Variants in FARP1 observed in about 807,000 individuals in gnomAD.
The protein encoded by FARP1 is FERM, ARH/RhoGEF and pleckstrin domain protein 1.
A neutral mutation model predicts 128.8 loss-of-function variants in FARP1; 52 were observed. The observed-to-expected ratio is 0.40, with a 90% CI of 0.32 to 0.51. The LOEUF (loss-of-function observed/expected upper bound fraction) is 0.51. Ranked by LOEUF, FARP1 falls within the 20% of genes least tolerant of loss-of-function variation. FARP1 has a pLI of 0.45. For synonymous variants in FARP1, 580 were observed against 551.8 expected (o/e 1.05, Z -0.72); for missense variants, 1,333 against 1,367.9 (o/e 0.97, Z 0.40).
chr13:98,404,759 GA>G (rs1566296291), intron 13 of FARP1: 1 of 152,070 alleles, frequency 6.6e-6, no homozygotes, highest in Non-Finnish European at 1.5e-5. Flanking sequence ...GAATATTGAA[GA>G]AAAAGCATAG....
chr13:98,411,333 G>A (rs1180821686), intron 15 of FARP1, among the ~76,000 whole-genome samples: 1 of 152,202 alleles, frequency 6.6e-6, no homozygotes, highest in Non-Finnish European at 1.5e-5. Context: ...GAAAGCACAA[G>A]CCAATTGGGA....
intron 2 of FARP1, among the ~76,000 whole-genome samples, chr13:98,248,553 A>C (rs1883178032): frequency 6.6e-6 from 1 of 152,210 alleles, no homozygotes; most frequent in African/African-American, 2.4e-5. Context: ...AGTCCTTACC[A>C]CACTGGATAA....
At chr13:98,383,892 C>G (rs1440168287) in intron 6 of FARP1, 1 of 152,112 alleles carries the variant, frequency 6.6e-6, no homozygotes, top group Non-Finnish European at 1.5e-5. Context: ...GACAAGACTA[C>G]GAAAAGTTTA....
rs1893186086 is a variant in FARP1 at position 98,451,386 on chromosome 13, G to C, written c.*3069G>C. The C allele has an allele frequency of 6.6e-6, 1 of 152,120 alleles. No individual in the cohort carries two copies. The highest frequency in any genetic ancestry group is 1.5e-5 in the Non-Finnish European group (1 of 68,038). The allele number at this position is 152,120 out of a possible 1,614,324, so 9.4% of individuals were successfully genotyped here. A position where few individuals can be genotyped will look rare whatever the true frequency, so the allele number is the denominator to read the frequency against. ...TTTTATTATTCAACATAACATTCTT[G>C]TATGGAGTAATGAGTACAATAAGAA... On this transcript the variant is annotated 3_prime_UTR_variant, in exon 27 of 27. Transcript: ENST00000319562.
Position 98,163,020 on chromosome 13 carries a change from G to C in FARP1, c.-24+19528G>C, listed in dbSNP as rs1278010006. ...CATTCTACCATAAGGACATAGGCAC[G>C]TGAATGTTCATTGCAGCACCATTCA... is the stretch of plus-strand genomic sequence containing the variant. On this transcript the variant is annotated intron_variant, in intron 1 of 26. Coordinates refer to ENST00000319562, the MANE Select transcript of FARP1 (RefSeq NM_005766.4). Among the ~76,000 whole-genome samples, 5 of 152,232 alleles carry C rather than the reference G, an allele frequency of 3.3e-5. No homozygotes were observed. In the East Asian group the frequency reaches 9.6e-4, roughly 29 times the overall value.
intron 2 of FARP1, among the ~76,000 whole-genome samples, chr13:98,307,587 G>A (rs1886224848): frequency 6.6e-6 from 1 of 152,274 alleles, no homozygotes; most frequent in Admixed American, 6.5e-5. Flanking sequence ...GCGCGTTCAT[G>A]TCGGTGCCTC....
At position 98,176,713 on chromosome 13, in the gene FARP1, C is replaced by T; in HGVS notation, c.-24+33221C>T. ...CAGATGCCCTGGCGCACGTATGGGG[C>T]CCTTCCTCGCCATCCCCGAGGAGGA... On this transcript the variant is annotated intron_variant, in intron 1 of 26. Coordinates refer to ENST00000319562, the MANE Select transcript of FARP1 (RefSeq NM_005766.4). This position sits in a 1 kb window ranked among gnomAD's most constrained non-coding sequence, Gnocchi z 6.2. 1.2e-6 allele frequency: 2 copies of T among 1,614,178 alleles called. No homozygotes were observed. The highest frequency in any genetic ancestry group is 1.7e-6 in the Non-Finnish European group (2 of 1,180,040).
Position 98,449,859 on chromosome 13 carries a change from G to C in FARP1, c.*1542G>C, listed in dbSNP as rs991245845. Reference sequence around the variant, plus strand: ...AGGGTTTCTAAAGCCCCAGTGTTCAGAGTGACACAGGGAGGGCCTGCCCCC... The same window carrying C: ...AGGGTTTCTAAAGCCCCAGTGTTCACAGTGACACAGGGAGGGCCTGCCCCC... On this transcript the variant is annotated 3_prime_UTR_variant, in exon 27 of 27. Coordinates refer to ENST00000319562, the MANE Select transcript of FARP1 (RefSeq NM_005766.4). The C allele has an allele frequency of 2.6e-5, 4 of 152,374 alleles. No individual in the cohort carries two copies. The highest frequency in any genetic ancestry group is 9.7e-5 in the African/African-American group (4 of 41,398). 9.4% of individuals were successfully genotyped at this position (152,374 alleles called of 1,614,324 possible).
intron 1 of FARP1, among the ~76,000 whole-genome samples, chr13:98,154,141 T>C (rs531671268): frequency 6.6e-6 from 1 of 152,338 alleles, no homozygotes; most frequent in East Asian, 1.9e-4. Context: ...TATTCCATCA[T>C]ATGGATGTAC....
chr13:98,284,041 CAT>C (rs1885057972), intron 2 of FARP1, among the ~76,000 whole-genome samples: 3 of 152,340 alleles, frequency 2.0e-5, no homozygotes, highest in Middle Eastern at 6.8e-3. Context: ...TCAATAGCCT[CAT>C]GTGGCTGGTG....
In FARP1 at chr13:98,448,559, T is replaced by G. The variant is rs1199237728; in HGVS notation, c.*242T>G. 10 of 515,256 alleles carry G rather than the reference T, an allele frequency of 1.9e-5. No individual in the cohort carries two copies. In the Middle Eastern group the frequency reaches 2.1e-3, roughly 108 times the overall value. The allele number at this position is 515,256 out of a possible 1,614,324, so 31.9% of individuals were successfully genotyped here. On this transcript the variant is annotated 3_prime_UTR_variant, in exon 27 of 27. Coordinates refer to ENST00000319562, the MANE Select transcript of FARP1 (RefSeq NM_005766.4). Reference sequence around the variant, plus strand: ...GCTGTTCTTTAGCTAGTGCCAGTATTAAAACATTGTCATTACGAGAGTGCC... The same window carrying G: ...GCTGTTCTTTAGCTAGTGCCAGTATGAAAACATTGTCATTACGAGAGTGCC...
intron 2 of FARP1, among the ~76,000 whole-genome samples, chr13:98,229,303 G>C (rs540305730): frequency 2.6e-5 from 4 of 152,166 alleles, no homozygotes; most frequent in Non-Finnish European, 5.9e-5. Flanking sequence ...TTGGAAACTT[G>C]CAGTGTGGGA....
At chr13:98,350,180 G>A (rs1888356965) in intron 3 of FARP1, among the ~76,000 whole-genome samples, 1 of 152,142 alleles carries the variant, frequency 6.6e-6, no homozygotes, top group South Asian at 2.1e-4. Context: ...GTCCCCAGAG[G>A]AGGCAAAGCT....
chr13:98,445,731 A>T (rs1892790007), intron 24 of FARP1: 1 of 167,564 alleles, frequency 6.0e-6, no homozygotes, highest in Non-Finnish European at 1.3e-5. Flanking sequence ...TCTCCTCAGG[A>T]CACCACTCCC....
intron 2 of FARP1, among the ~76,000 whole-genome samples, chr13:98,258,075 G>A (rs559580223): frequency 2.0e-5 from 3 of 151,970 alleles, no homozygotes; most frequent in Non-Finnish European, 4.4e-5. Context: ...CTGGGTTCAC[G>A]CCATTCTCCT....
intron 16 of FARP1, among the ~76,000 whole-genome samples, chr13:98,418,925 C>T (rs1891488379): frequency 6.6e-6 from 1 of 152,154 alleles, no homozygotes; most frequent in South Asian, 2.1e-4. Flanking sequence ...TGGTAAACCT[C>T]AGGAAGGCAA....
At chr13:98,329,889 A>G (rs1258465676) in intron 2 of FARP1, 1 of 152,176 alleles carries the variant, frequency 6.6e-6, no homozygotes, top group African/African-American at 2.4e-5. Flanking sequence ...GAAAGACGGC[A>G]GTGTGTAAGG....
intron 2 of FARP1, among the ~76,000 whole-genome samples, chr13:98,242,871 TAAGAC>T (rs1882853775): frequency 6.6e-6 from 1 of 152,228 alleles, no homozygotes; most frequent in Admixed American, 6.5e-5. Context: ...CTTTCACTAA[TAAGAC>T]AAGGTTCAAC....
chr13:98,291,573 A>G (rs1242506394), intron 2 of FARP1, among the ~76,000 whole-genome samples: 2 of 152,178 alleles, frequency 1.3e-5, no homozygotes, highest in African/African-American at 4.8e-5. Flanking sequence ...CAAAGGAACT[A>G]TCATGAGGGG....
Sources: allele counts gnomAD v4.1 joint callset (sites outside exome capture counted in the v4.1 genomes callset), GRCh38; gene constraint gnomAD v4.1.1; non-coding constraint Gnocchi (gnomAD v3.1); transcripts MANE v1.5; gene names NCBI Gene and HGNC (gene_info 2026-07-23, HGNC 2026-07-21).